The following SRBD1 variants were observed in gnomAD, a reference collection of about 807,000 sequenced individuals.
SRBD1 encodes S1 RNA binding domain 1, also known as S1 RNA-binding domain-containing protein 1.
A neutral mutation model predicts 115.3 loss-of-function variants in SRBD1; 88 were observed. That is an observed-to-expected ratio of 0.76 (90% CI 0.64 to 0.91). The LOEUF (loss-of-function observed/expected upper bound fraction) is 0.91. Ranked by LOEUF, SRBD1 falls within the 40% of genes least tolerant of loss-of-function variation. The pLI, the probability that SRBD1 is intolerant of heterozygous loss-of-function variation, is 0.00. For synonymous variants in SRBD1, 509 were observed against 407.7 expected, an observed-to-expected ratio of 1.25 and a Z score of -2.99; for missense variants, 1,385 against 1,177.4, an observed-to-expected ratio of 1.18 and a Z score of -2.58.
intron 16 of SRBD1, among the ~76,000 whole-genome samples, chr2:45,464,254 C>T (rs912690089): frequency 3.9e-5 from 6 of 152,072 alleles, no homozygotes; most frequent in African/African-American, 1.4e-4. Context: ...CCTAAACTAC[C>T]AAACACCTTT....
chr2:45,481,093 A>T (rs1347280115), intron 15 of SRBD1, among the ~76,000 whole-genome samples: 2 of 152,200 alleles, frequency 1.3e-5, no homozygotes, highest in East Asian at 1.9e-4. Context: ...GGCTCAGATG[A>T]TCATTAGCAT....
intron 14 of SRBD1, among the ~76,000 whole-genome samples, chr2:45,499,315 A>T (rs931000147): frequency 6.6e-6 from 1 of 152,122 alleles, no homozygotes; most frequent in Non-Finnish European, 1.5e-5. Context: ...ATGTTTGTAC[A>T]GGTCTTTTGA....
At chr2:45,557,597 A>G (rs935433446) in intron 10 of SRBD1, among the ~76,000 whole-genome samples, 2 of 152,198 alleles carry the variant, frequency 1.3e-5, no homozygotes, top group African/African-American at 4.8e-5. Flanking sequence ...CTGAAAGAGA[A>G]CAGCTACATT....
rs546424212 is a variant in SRBD1, at chr2:45,404,032, A to G, written c.2513+9082T>C. Among the ~76,000 whole-genome samples the G allele has an allele frequency of 3.9e-5, 6 of 152,272 alleles. No homozygotes were observed. In the East Asian group the frequency reaches 1.2e-3, roughly 29 times the overall value. On this transcript the variant is annotated intron_variant, in intron 19 of 20. Coordinates refer to ENST00000263736, the MANE Select transcript of SRBD1 (RefSeq NM_018079.5). ...AGGAGCCTCCCAAAGTAGGAAGGATATAACTTATACTCACAGATACCATAA... is the reference window on the plus strand; with the variant it reads ...AGGAGCCTCCCAAAGTAGGAAGGATGTAACTTATACTCACAGATACCATAA...
intron 15 of SRBD1, among the ~76,000 whole-genome samples, chr2:45,485,396 A>C (rs1670087220): frequency 6.6e-6 from 1 of 152,022 alleles, no homozygotes; most frequent in South Asian, 2.1e-4. Context: ...CATTCCTTTT[A>C]TCTTAGTAGG....
intron 15 of SRBD1, among the ~76,000 whole-genome samples, chr2:45,485,815 A>G (rs1254334711): frequency 6.6e-6 from 1 of 152,186 alleles, no homozygotes; most frequent in Non-Finnish European, 1.5e-5. Context: ...GGCATCAATC[A>G]CCAGGAAAAA....
At chr2:45,442,252 T>C (rs1668691764) in intron 16 of SRBD1, among the ~76,000 whole-genome samples, 1 of 152,198 alleles carries the variant, frequency 6.6e-6, no homozygotes, top group Non-Finnish European at 1.5e-5. Flanking sequence ...ACTGACATGG[T>C]CAGAAACCAA....
chr2:45,391,030 G>C (rs930264479), intron 20 of SRBD1, among the ~76,000 whole-genome samples: 1 of 152,158 alleles, frequency 6.6e-6, no homozygotes, highest in Non-Finnish European at 1.5e-5. Context: ...ACGGGTCTCC[G>C]AGACCCCATA....
rs751597016 is a variant in SRBD1 at position 45,585,650 on chromosome 2, G to C, written c.773C>G (p.Ala258Gly). 1 of 1,611,778 alleles carries C rather than the reference G, an allele frequency of 6.2e-7. No homozygotes were observed. Among genetic ancestry groups the C allele is most frequent in the Non-Finnish European group, 8.5e-7 (1 of 1,179,388 alleles). ...TTGCTGAACTTCTCTCAAGGAATCA[G>C]CATCAAGGTTATTAATGAGCTCTTT... ...YRKELINNLD[A>G]DSLREVQQTL... Residue 258 changes from alanine to glycine, a missense_variant, in exon 5 of 21, where the codon GCT becomes GGT. By Grantham distance (60) the Ala-to-Gly change is moderately conservative. Transcript: ENST00000263736.
At chr2:45,442,472 C>G (rs1668698903) in intron 16 of SRBD1, among the ~76,000 whole-genome samples, 2 of 152,194 alleles carry the variant, frequency 1.3e-5, no homozygotes, top group African/African-American at 4.8e-5. Flanking sequence ...GACCCACAGA[C>G]TAACTGTGCC....
intron 17 of SRBD1, among the ~76,000 whole-genome samples, chr2:45,418,995 C>A (rs1164098400): frequency 6.6e-6 from 1 of 152,132 alleles, no homozygotes; most frequent in Non-Finnish European, 1.5e-5. Flanking sequence ...AGCTGAACTA[C>A]AGAAAGGCCC....
At chr2:45,559,496 C>G (rs760407809) in intron 10 of SRBD1, among the ~76,000 whole-genome samples, 1 of 152,134 alleles carries the variant, frequency 6.6e-6, no homozygotes, top group Non-Finnish European at 1.5e-5. Context: ...TAATGATTTT[C>G]CCAGTGTTGT....
chr2:45,416,788 T>G (rs1420269198), intron 18 of SRBD1, among the ~76,000 whole-genome samples: 1 of 152,182 alleles, frequency 6.6e-6, no homozygotes, highest in Non-Finnish European at 1.5e-5. Flanking sequence ...GGTTTGCTTG[T>G]TTTTGAGACA....
At chr2:45,595,436 G>A (rs1254386312) in intron 4 of SRBD1, among the ~76,000 whole-genome samples, 2 of 152,126 alleles carry the variant, frequency 1.3e-5, no homozygotes, top group African/African-American at 4.8e-5. Context: ...AACTATTCAG[G>A]ATTTCCCCCA....
At chr2:45,482,609 G>A (rs1282167434) in intron 15 of SRBD1, among the ~76,000 whole-genome samples, 5 of 94,878 alleles carry the variant, frequency 5.3e-5, no homozygotes, top group African/African-American at 8.7e-5. Context: ...TATTCACAAC[G>A]TTAAACACAC....
intron 9 of SRBD1, among the ~76,000 whole-genome samples, chr2:45,568,816 G>A (rs1348958824): frequency 6.6e-6 from 1 of 152,222 alleles, no homozygotes. Context: ...CAAAAGGAAT[G>A]TTAGTATACT....
chr2:45,549,693 A>G (rs1672234077), intron 12 of SRBD1, among the ~76,000 whole-genome samples: 1 of 115,830 alleles, frequency 8.6e-6, no homozygotes, highest in African/African-American at 3.5e-5. Flanking sequence ...TCTACTAAAA[A>G]TACAAAAAAA....
intron 16 of SRBD1, among the ~76,000 whole-genome samples, chr2:45,452,407 A>G (rs1210800129): frequency 6.6e-6 from 1 of 151,980 alleles, no homozygotes; most frequent in Non-Finnish European, 1.5e-5. Flanking sequence ...CCAAGTAAGC[A>G]TCTAATAATA....
intron 16 of SRBD1, among the ~76,000 whole-genome samples, chr2:45,444,791 C>G (rs1428554278): frequency 6.6e-6 from 1 of 152,214 alleles, no homozygotes; most frequent in Non-Finnish European, 1.5e-5. Flanking sequence ...AGAAGCCACT[C>G]AAGTTGGGGA....
Sources: allele counts gnomAD v4.1 joint callset (sites outside exome capture counted in the v4.1 genomes callset), GRCh38; gene constraint gnomAD v4.1.1; transcripts MANE v1.5; gene names NCBI Gene and HGNC (gene_info 2026-07-23, HGNC 2026-07-21).